The following CSK variants were observed in gnomAD, a reference collection of about 807,000 sequenced individuals.
CSK encodes the protein tyrosine-protein kinase CSK.
A neutral mutation model predicts 62.3 loss-of-function variants in CSK; 7 were observed. The ratio of observed to expected loss-of-function variants is 0.11; its 90% CI spans 0.06 to 0.21. The LOEUF is 0.21. CSK is among the 10% of genes least tolerant of loss of function. The pLI is 1.00. For missense variants in CSK, 294 were observed against 613.5 expected (o/e 0.48, Z 5.50); for synonymous variants, 237 against 246.0 (o/e 0.96, Z 0.34).
intron 1 of CSK, among the ~76,000 whole-genome samples, chr15:74,783,534 T>C (rs1348368296): frequency 6.6e-6 from 1 of 152,204 alleles, no homozygotes; most frequent in Non-Finnish European, 1.5e-5. Flanking sequence ...AGGCTGGCTG[T>C]CCTTTCATCC....
At chr15:74,786,087 G>A (rs1234069611) in intron 1 of CSK, among the ~76,000 whole-genome samples, 3 of 146,378 alleles carry the variant, frequency 2.0e-5, no homozygotes, top group Admixed American at 7.0e-5. Flanking sequence ...GTGCAATGGC[G>A]CGATCTTGGC....
intron 1 of CSK, among the ~76,000 whole-genome samples, chr15:74,790,298 G>A (rs1212457796): frequency 2.0e-5 from 3 of 152,226 alleles, no homozygotes; most frequent in Non-Finnish European, 2.9e-5. Context: ...TTTGGCAAGG[G>A]GGAAGGGCAA....
intron 1 of CSK, among the ~76,000 whole-genome samples, chr15:74,786,903 C>T (rs1422198169): frequency 1.3e-5 from 2 of 152,216 alleles, no homozygotes; most frequent in Non-Finnish European, 2.9e-5. Context: ...CAAACTTTGG[C>T]CTGTGGAGTA....
chr15:74,802,503 TGCACCTGTGACGGCTG>T lies in CSK; in HGVS notation c.1346_*8del. On this transcript the variant is annotated stop_lost and 3_prime_UTR_variant, in exon 13 of 13. Transcript: ENST00000220003. ...CTTGAGCACATCAAAACCCACGAGC[TGCACCTGTGACGGCTG>T]GCCTCCGCCTGGGTCATGGGCCTGT... The T allele has an allele frequency of 6.2e-7, 1 of 1,610,854 alleles. No homozygotes were observed. Among genetic ancestry groups the T allele is most frequent in the Non-Finnish European group, 8.5e-7 (1 of 1,179,136 alleles).
chr15:74,793,868 GA>G (rs1429209438), intron 1 of CSK, among the ~76,000 whole-genome samples: 1 of 152,072 alleles, frequency 6.6e-6, no homozygotes, highest in Non-Finnish European at 1.5e-5. Flanking sequence ...GGAGTTTGGG[GA>G]GGAAGGGGGA....
At chr15:74,788,580 A>G (rs2063560439) in intron 1 of CSK, 1 of 152,830 alleles carries the variant, frequency 6.5e-6, no homozygotes, top group African/African-American at 2.4e-5. Context: ...GTGTACTGGT[A>G]ACACCCCCAT....
At chr15:74,801,235 C>G in intron 9 of CSK, 133 bp downstream of exon 9, 1 of 973,410 alleles carries the variant, frequency 1.0e-6, no homozygotes, top group East Asian at 2.5e-5. Flanking sequence ...GGCTTTTGTC[C>G]TGGTTTACCA....
chr15:74,791,733 G>A (rs542841103), intron 1 of CSK, among the ~76,000 whole-genome samples: 56 of 152,218 alleles, frequency 3.7e-4, no homozygotes, highest in Non-Finnish European at 7.2e-4. Flanking sequence ...TGAAGAGTCC[G>A]GGCCAGTTGT....
Position 74,786,000 on chromosome 15 carries a change from C to CTTTTTTTTTTTTTTTTTTTTTTT in CSK, c.-66+3281_-66+3282insTTTTTTTTTTTTTTTTTTTTTTT, listed in dbSNP as rs1232728038. Among the ~76,000 whole-genome samples, 17 of 59,928 alleles carry CTTTTTTTTTTTTTTTTTTTTTTT rather than the reference C, an allele frequency of 2.8e-4. 5 individuals are homozygous for CTTTTTTTTTTTTTTTTTTTTTTT. Among genetic ancestry groups the CTTTTTTTTTTTTTTTTTTTTTTT allele is most frequent in the Non-Finnish European group, 4.0e-4 (11 of 27,456 alleles). 39.3% of individuals were successfully genotyped at this position (59,928 alleles called of 152,430 possible). On this transcript the variant is annotated intron_variant, in intron 1 of 12. Coordinates refer to ENST00000220003, the MANE Select transcript of CSK (RefSeq NM_004383.3). ...CAAGGCCTCTTCTCTCTCTCTCTCT[C>CTTTTTTTTTTTTTTTTTTTTTTT]TCTTTTTTTTTTTTGTGTGTGTGTG...
In CSK at chr15:74,802,571, C is replaced by T. The variant is rs1651511702; in HGVS notation, c.*58C>T. On this transcript the variant is annotated 3_prime_UTR_variant, in exon 13 of 13. Coordinates refer to ENST00000220003, the MANE Select transcript of CSK (RefSeq NM_004383.3). ...GGGACTGAACCTGGAAGATCATGGACCTGGTGCCCCTGCTCACTGGGCCCG... is the reference window on the plus strand; with the variant it reads ...GGGACTGAACCTGGAAGATCATGGATCTGGTGCCCCTGCTCACTGGGCCCG... 6.3e-7 allele frequency: 1 copy of T among 1,579,590 alleles called. No individual in the cohort carries two copies. The highest frequency in any genetic ancestry group is 8.6e-7 in the Non-Finnish European group (1 of 1,167,526).
intron 1 of CSK, among the ~76,000 whole-genome samples, chr15:74,790,647 G>A (rs1297418936): frequency 6.6e-6 from 1 of 152,244 alleles, no homozygotes; most frequent in Non-Finnish European, 1.5e-5. Flanking sequence ...TGTCCCTTTG[G>A]GGTTAACTAT....
chr15:74,802,697 G>GAGC lies in CSK; in HGVS notation c.*185_*187dup. 1.4e-6 allele frequency: 1 copy of GAGC among 695,748 alleles called. No homozygotes were observed. The highest frequency in any genetic ancestry group is 2.2e-6 in the Non-Finnish European group (1 of 456,232). The allele number at this position is 695,748 out of a possible 1,614,324, so 43.1% of individuals were successfully genotyped here. ...CTTGGACCCACCTGTGGGGCCTGGGGAGCCCACTGAGGGGCCAGGGAGGAA... is the reference window on the plus strand; with the variant it reads ...CTTGGACCCACCTGTGGGGCCTGGGGAGCAGCCCACTGAGGGGCCAGGGAGGAA... On this transcript the variant is annotated 3_prime_UTR_variant, in exon 13 of 13. Coordinates refer to ENST00000220003, the MANE Select transcript of CSK (RefSeq NM_004383.3).
intron 1 of CSK, among the ~76,000 whole-genome samples, chr15:74,789,349 A>G (rs984192630): frequency 4.6e-5 from 7 of 152,166 alleles, no homozygotes; most frequent in African/African-American, 1.7e-4. Context: ...ACACCTGTGC[A>G]GTGGGGGTGC....
In CSK at chr15:74,799,395, C is replaced by T. The variant is rs747486500; in HGVS notation, c.366C>T (p.Cys122=). The stretch of plus-strand genomic sequence containing the variant: ...GAGACTACACGCTGTGCGTGAGCTG[C>T]GACGGCAAGGTGGAGCACTACCGCA... The part of the protein sequence containing the change: ...YPGDYTLCVS[C]DGKVEHYRIM... The change falls in exon 5 of 13, where the codon TGC becomes TGT. Residue 122 remains cysteine, a synonymous_variant. Coordinates refer to ENST00000220003, the MANE Select transcript of CSK (RefSeq NM_004383.3). 62 of 1,613,630 alleles carry T rather than the reference C, an allele frequency of 3.8e-5. 3 individuals carry two copies. The highest frequency in any genetic ancestry group is 3.4e-4 in the South Asian group (31 of 91,082).
Position 74,800,755 on chromosome 15 carries a change from G to T in CSK, c.622+9G>T, listed in dbSNP as rs1162043121. The T allele has an allele frequency of 1.9e-6, 3 of 1,579,514 alleles. No homozygotes were observed. Among genetic ancestry groups the T allele is most frequent in the Non-Finnish European group, 2.6e-6 (3 of 1,162,484 alleles). Reference sequence around the variant, plus strand: ...GAAGGGGGAGTTCGGAGGTGAGCTGGGCCGGGCCCCCTGGGGGGGTTCTGA... The same window carrying T: ...GAAGGGGGAGTTCGGAGGTGAGCTGTGCCGGGCCCCCTGGGGGGGTTCTGA... On this transcript the variant is annotated intron_variant, in intron 7 of 12. Coordinates refer to ENST00000220003, the MANE Select transcript of CSK (RefSeq NM_004383.3).
chr15:74,796,156 A>G (rs1456689063), intron 1 of CSK, among the ~76,000 whole-genome samples: 1 of 152,036 alleles, frequency 6.6e-6, no homozygotes, highest in South Asian at 2.1e-4. Flanking sequence ...AGGCGGAGGT[A>G]GTTGCAGTAA....
intron 1 of CSK, among the ~76,000 whole-genome samples, chr15:74,792,222 C>T (rs1051126842): frequency 2.0e-5 from 3 of 152,132 alleles, no homozygotes; most frequent in African/African-American, 4.8e-5. Flanking sequence ...ACTGCAGGGA[C>T]TGTCCTGCTG....
chr15:74,796,041 A>G (rs574185802), intron 1 of CSK, among the ~76,000 whole-genome samples: 1 of 152,126 alleles, frequency 6.6e-6, no homozygotes, highest in Non-Finnish European at 1.5e-5. Flanking sequence ...AATATGGTGA[A>G]ACCCTGTATC....
intron 1 of CSK, among the ~76,000 whole-genome samples, chr15:74,785,957 G>A (rs1235360292): frequency 6.7e-6 from 1 of 150,368 alleles, no homozygotes; most frequent in Non-Finnish European, 1.5e-5. Context: ...CGGTCTCCCA[G>A]CATCAGAGCT....
Sources: gnomAD v4.1 joint callset for allele counts (sites outside exome capture counted in the v4.1 genomes callset) on GRCh38, gnomAD v4.1.1 for gene constraint, MANE v1.5 for transcripts, NCBI Gene and HGNC (gene_info 2026-07-23, HGNC 2026-07-21) for gene names.